The following SMARCA2 variants were observed in gnomAD, a reference collection of about 807,000 sequenced individuals.
SMARCA2 encodes SWI/SNF related BAF chromatin remodeling complex subunit ATPase 2.
SMARCA2 carries 61 observed loss-of-function variants against 199.8 expected under a neutral mutation model. The observed-to-expected ratio is 0.31, with a 90% CI of 0.25 to 0.38. The LOEUF (loss-of-function observed/expected upper bound fraction) is 0.38, where lower values mean the gene tolerates loss of function less well. Ranked by LOEUF, SMARCA2 falls within the 10% of genes least tolerant of loss-of-function variation. The probability of loss-of-function intolerance (pLI) is 1.00; values close to 1 mark genes in which losing one functional copy is unlikely to be tolerated. For missense variants in SMARCA2, 1,344 were observed against 2,012.2 expected, an observed-to-expected ratio of 0.67 and a Z score of 6.35; for synonymous variants, 935 against 732.0, an observed-to-expected ratio of 1.28 and a Z score of -4.48.
rs1487246933 is a variant in SMARCA2, at chr9:2,073,814, G to A, written c.1935+191G>A. ...ATGCCTAGTGGTACAGTGATCTCTT[G>A]GAAGGCCCTGGCTAATGGGGAAACC... is the stretch of plus-strand genomic sequence containing the variant. On this transcript the variant is annotated intron_variant, in intron 12 of 33. Transcript: ENST00000349721. 2.0e-5 allele frequency among the ~76,000 whole-genome samples: 3 copies of A among 152,172 alleles called. No individual in the cohort carries two copies. The East Asian group carries it at 5.8e-4, about 29-fold the overall frequency.
intron 9 of SMARCA2, among the ~76,000 whole-genome samples, chr9:2,069,363 T>C (rs190504686): frequency 0.041 from 6,167 of 151,252 alleles, 327 homozygotes; most frequent in African/African-American, 0.12. Context: ...GAGACCATCG[T>C]GGCTAACACG....
At chr9:2,140,056 A>G (rs1824390257) in intron 27 of SMARCA2, among the ~76,000 whole-genome samples, 1 of 152,196 alleles carries the variant, frequency 6.6e-6, no homozygotes, top group African/African-American at 2.4e-5. Context: ...TACTGTCGTA[A>G]TTTGCAAAGG....
At chr9:2,043,252 A>G (rs946862361) in intron 4 of SMARCA2, 3 of 152,202 alleles carry the variant, frequency 2.0e-5, no homozygotes, top group African/African-American at 7.2e-5. Flanking sequence ...CTCCAAACTT[A>G]TAATTCACCA....
chr9:2,060,681 T>G (rs1264894728), intron 8 of SMARCA2, 135 bp from the exon 9 acceptor site: 1 of 717,172 alleles, frequency 1.4e-6, no homozygotes, highest in Non-Finnish European at 2.3e-6. Flanking sequence ...TGCAATGGCT[T>G]GAACAGCCCA....
intron 32 of SMARCA2, among the ~76,000 whole-genome samples, chr9:2,190,361 C>T (rs1827790883): frequency 6.6e-6 from 1 of 152,218 alleles, no homozygotes. Context: ...CAGCAAACTT[C>T]AGCCCTCATC....
In SMARCA2 at chr9:2,054,502, C is replaced by T. The variant is rs560844474; in HGVS notation, c.1047-95C>T. 1.7e-4 allele frequency: 245 copies of T among 1,440,542 alleles called. 3 individuals are homozygous for T. The South Asian group carries it at 2.2e-3, about 13-fold the overall frequency. 89.2% of individuals were successfully genotyped at this position (1,440,542 alleles called of 1,614,324 possible). A position where few individuals can be genotyped will look rare whatever the true frequency, so the allele number is the denominator to read the frequency against. ...TCAGTATCTGGAATATGTTTTGCCC[C>T]GGACTTAAACCTAATGTCATTGTTT... On this transcript the variant is annotated intron_variant, in intron 5 of 33. Coordinates refer to ENST00000349721, the MANE Select transcript of SMARCA2 (RefSeq NM_003070.5).
Position 2,123,967 on chromosome 9 carries a change from C to G in SMARCA2, c.3981+30C>G. On this transcript the variant is annotated intron_variant, in intron 27 of 33. Coordinates refer to ENST00000349721, the MANE Select transcript of SMARCA2 (RefSeq NM_003070.5). This position sits in a 1 kb window ranked among gnomAD's most constrained non-coding sequence, Gnocchi z 4.1. ...GCCTAGCTTTTCTAACCCGCTCTCA[C>G]TAGGTGGAGGGTTTTTGGTGGCTTG... The G allele has an allele frequency of 6.5e-7, 1 of 1,528,086 alleles. No individual in the cohort carries two copies. The highest frequency in any genetic ancestry group is 8.9e-7 in the Non-Finnish European group (1 of 1,126,856). 94.7% of individuals were successfully genotyped at this position (1,528,086 alleles called of 1,614,324 possible). A position where few individuals can be genotyped will look rare whatever the true frequency, so the allele number is the denominator to read the frequency against.
chr9:2,056,030 C>T lies in SMARCA2; in HGVS notation c.1174-642C>T, dbSNP rs1403286512. Among the ~76,000 whole-genome samples the T allele has an allele frequency of 6.6e-6, 1 of 152,132 alleles. No individual in the cohort carries two copies. The highest frequency in any genetic ancestry group is 1.5e-5 in the Non-Finnish European group (1 of 68,038). ...GATTATTTAATGTGTATTCTCCAGT[C>T]CCTACCCCCTACCACCACATAACAT... On this transcript the variant is annotated intron_variant, in intron 6 of 33. Transcript: ENST00000349721. This position sits in a 1 kb window ranked among gnomAD's most constrained non-coding sequence, Gnocchi z 4.0.
intron 3 of SMARCA2, 194 bp downstream of exon 3, chr9:2,033,275 G>A (rs1426219009): frequency 1.5e-5 from 8 of 550,156 alleles, no homozygotes; most frequent in African/African-American, 3.8e-5. Context: ...TTTTATTTCC[G>A]AAGTCCTAGT....
intron 29 of SMARCA2, among the ~76,000 whole-genome samples, chr9:2,179,378 TAGG>T (rs990448923): frequency 1.3e-5 from 2 of 152,194 alleles, no homozygotes; most frequent in Admixed American, 1.3e-4. Flanking sequence ...CCTTTATTCT[TAGG>T]AGAGGAAAAA....
At chr9:2,183,920 A>G (rs1827237807) in intron 31 of SMARCA2, among the ~76,000 whole-genome samples, 1 of 152,110 alleles carries the variant, frequency 6.6e-6, no homozygotes, top group Non-Finnish European at 1.5e-5. Flanking sequence ...CCTTTTTTCT[A>G]CAACCTTCCT....
chr9:2,082,790 T>C (rs144961998), intron 15 of SMARCA2, among the ~76,000 whole-genome samples: 129 of 152,368 alleles, frequency 8.5e-4, no homozygotes, highest in Middle Eastern at 3.4e-3. Flanking sequence ...ATGAAGACTA[T>C]TTGCAGCCCT....
chr9:2,121,973 A>G (rs1823480312), intron 26 of SMARCA2, among the ~76,000 whole-genome samples: 2 of 152,224 alleles, frequency 1.3e-5, no homozygotes, highest in Non-Finnish European at 1.5e-5. Flanking sequence ...AATTATTCAC[A>G]AAGTAACTAA....
At chr9:2,107,393 C>G (rs528639738) in intron 23 of SMARCA2, among the ~76,000 whole-genome samples, 26 of 152,218 alleles carry the variant, frequency 1.7e-4, no homozygotes, top group Non-Finnish European at 3.7e-4. Context: ...TCTCGGCTCC[C>G]TGCAACCTCC....
chr9:2,103,628 ATACGTGTGTGTG>A (rs1339741722), intron 22 of SMARCA2, among the ~76,000 whole-genome samples: 6 of 149,274 alleles, frequency 4.0e-5, no homozygotes, highest in Admixed American at 6.6e-5. Context: ...AACATGGCAT[ATACGTGTGTGTG>A]TACGTGTGTG....
chr9:2,151,215 G>C (rs1563805311), intron 27 of SMARCA2, among the ~76,000 whole-genome samples: 2 of 151,576 alleles, frequency 1.3e-5, no homozygotes, highest in Admixed American at 6.6e-5. Flanking sequence ...TTCATGCACA[G>C]ACAGCAAAGT....
chr9:2,114,901 G>A (rs1021235604), intron 24 of SMARCA2, among the ~76,000 whole-genome samples: 2 of 152,110 alleles, frequency 1.3e-5, no homozygotes, highest in African/African-American at 4.8e-5. Context: ...TGTAAGATCA[G>A]AATGCACATG....
intron 1 of SMARCA2, among the ~76,000 whole-genome samples, chr9:2,019,577 A>G (rs987262666): frequency 7.9e-5 from 12 of 151,714 alleles, no homozygotes; most frequent in Admixed American, 5.2e-4. Flanking sequence ...CTGACATGGT[A>G]TAACTAGAAA....
At chr9:2,049,015 TA>T (rs1308124780) in intron 5 of SMARCA2, among the ~76,000 whole-genome samples, 1 of 152,218 alleles carries the variant, frequency 6.6e-6, no homozygotes, top group Non-Finnish European at 1.5e-5. Flanking sequence ...TAAGAGCTGA[TA>T]TTTTTTTTCC....
Sources: gnomAD v4.1 joint callset for allele counts (sites outside exome capture counted in the v4.1 genomes callset) on GRCh38, gnomAD v4.1.1 for gene constraint, Gnocchi (gnomAD v3.1) non-coding constraint, MANE v1.5 for transcripts, NCBI Gene and HGNC (gene_info 2026-07-23, HGNC 2026-07-21) for gene names.